Variants in KIN observed in about 807,000 individuals in gnomAD.
The protein encoded by KIN is DNA/RNA-binding protein KIN17.
A neutral mutation model predicts 63.0 loss-of-function variants in KIN; 47 were observed. The observed-to-expected ratio is 0.75, with a 90% confidence interval of 0.59 to 0.95. KIN has a LOEUF of 0.95. Ranked by LOEUF, KIN falls within the 40% of genes least tolerant of loss-of-function variation. KIN has a pLI of 0.00. For synonymous variants in KIN, 160 were observed against 157.7 expected (o/e 1.01, Z -0.11); for missense variants, 408 against 460.9 (o/e 0.89, Z 1.05).
intron 5 of KIN, among the ~76,000 whole-genome samples, chr10:7,777,952 T>C (rs901390307): frequency 1.3e-5 from 2 of 152,098 alleles, no homozygotes; most frequent in African/African-American, 2.4e-5. Flanking sequence ...CTGTATCTTT[T>C]GTTCACTGAG....
At chr10:7,777,768 T>C (rs1835808408) in intron 5 of KIN, among the ~76,000 whole-genome samples, 1 of 152,058 alleles carries the variant, frequency 6.6e-6, no homozygotes, top group Non-Finnish European at 1.5e-5. Flanking sequence ...GCATGGTGGC[T>C]TGTGCCTGTA....
intron 12 of KIN, among the ~76,000 whole-genome samples, chr10:7,757,524 AT>A (rs1428382714): frequency 3.3e-5 from 5 of 151,586 alleles, no homozygotes; most frequent in Admixed American, 2.0e-4. Context: ...ATAAAATAAA[AT>A]TAAATTAAAT....
chr10:7,784,280 C>A (rs551793534), intron 1 of KIN, among the ~76,000 whole-genome samples: 6 of 152,246 alleles, frequency 3.9e-5, no homozygotes, highest in African/African-American at 1.2e-4. Context: ...AAAATTGCAT[C>A]TCAGTTTAAC....
At chr10:7,784,337 C>A (rs1835955715) in intron 1 of KIN, among the ~76,000 whole-genome samples, 1 of 152,196 alleles carries the variant, frequency 6.6e-6, no homozygotes, top group Non-Finnish European at 1.5e-5. Context: ...AATCCCAGCA[C>A]TTTGGGAGGC....
At chr10:7,784,773 T>C (rs1835965355) in intron 1 of KIN, among the ~76,000 whole-genome samples, 1 of 152,188 alleles carries the variant, frequency 6.6e-6, no homozygotes, top group Non-Finnish European at 1.5e-5. Flanking sequence ...AAAAGGTTAA[T>C]GGGAAACTAG....
intron 2 of KIN, among the ~76,000 whole-genome samples, chr10:7,781,587 T>TCTACACACACACACACACATACACACAC (rs71515486): frequency 1.4e-5 from 2 of 140,628 alleles, no homozygotes; most frequent in African/African-American, 5.5e-5. Context: ...ACCCTGTCTC[T>TCTACACACACACACACACATACACACAC]ACACACACAC....
chr10:7,779,126 G>T, intron 4 of KIN, 107 bp from the exon 5 acceptor site: 1 of 1,319,750 alleles, frequency 7.6e-7, no homozygotes, highest in Non-Finnish European at 1.0e-6. Context: ...ACACAAATCA[G>T]GCCGAGCGCA....
chr10:7,776,892 T>C (rs1244325612), intron 5 of KIN, among the ~76,000 whole-genome samples: 9 of 149,772 alleles, frequency 6.0e-5, no homozygotes, highest in Non-Finnish European at 1.3e-4. Context: ...CCCCCATCTC[T>C]ATTAAAAAAA....
chr10:7,778,732 C>T, intron 5 of KIN, 106 bp downstream of exon 5: 1 of 1,216,252 alleles, frequency 8.2e-7, no homozygotes, highest in South Asian at 1.4e-5. Flanking sequence ...GAGCAAGACT[C>T]CATCTCCAAA....
chr10:7,753,445 T>C lies in KIN; in HGVS notation c.*2635A>G, dbSNP rs74121645. 1.4e-3 allele frequency: 216 copies of C among 152,316 alleles called. No individual in the cohort carries two copies. Among genetic ancestry groups the C allele is most frequent in the African/African-American group, 4.8e-3 (199 of 41,578 alleles). 9.4% of individuals were successfully genotyped at this position (152,316 alleles called of 1,614,324 possible). Reference sequence around the variant, plus strand: ...TATCAGGGAGAACCATTCTCCTTTTTGAAATTCTTCAGACCAGATTCTTAG... The same window carrying C: ...TATCAGGGAGAACCATTCTCCTTTTCGAAATTCTTCAGACCAGATTCTTAG... On this transcript the variant is annotated 3_prime_UTR_variant, in exon 13 of 13. Transcript: ENST00000379562.
At chr10:7,779,080 T>C (rs1403571153) in intron 4 of KIN, 61 bp from the exon 5 acceptor site, 3 of 1,552,590 alleles carry the variant, frequency 1.9e-6, no homozygotes, top group Non-Finnish European at 2.6e-6. Context: ...TAAATATGAA[T>C]GTGTTTCACC....
chr10:7,780,473 C>T (rs1409491179), intron 2 of KIN, among the ~76,000 whole-genome samples, 166 bp from the exon 3 acceptor site: 1 of 152,146 alleles, frequency 6.6e-6, no homozygotes, highest in Non-Finnish European at 1.5e-5. Context: ...CAGCTCATTG[C>T]AACCTCCACT....
At chr10:7,757,826 T>C (rs1181076498) in intron 12 of KIN, among the ~76,000 whole-genome samples, 2 of 152,244 alleles carry the variant, frequency 1.3e-5, no homozygotes, top group Non-Finnish European at 2.9e-5. Flanking sequence ...AGCCAGACAT[T>C]TGGGCTTATA....
intron 7 of KIN, among the ~76,000 whole-genome samples, chr10:7,770,959 G>A (rs1335732917): frequency 6.6e-6 from 1 of 152,090 alleles, no homozygotes; most frequent in Admixed American, 6.5e-5. Flanking sequence ...TTTTTATGGG[G>A]GTTGTTTTTC....
rs1835615077 is a variant in KIN, at chr10:7,769,202, T to A, written c.798+14A>T. ...TGGGTTCTAAGGTGTCCACACGCAA[T>A]CCATAAACTGTACCTCCATGATTTC... is the stretch of plus-strand genomic sequence containing the variant. On this transcript the variant is annotated intron_variant, in intron 8 of 12. Transcript: ENST00000379562. 2 of 1,601,130 alleles carry A rather than the reference T, an allele frequency of 1.2e-6. No individual in the cohort carries two copies. Among genetic ancestry groups the A allele is most frequent in the South Asian group, 2.2e-5 (2 of 88,918 alleles).
At chr10:7,779,265 G>A (rs1296594519) in intron 4 of KIN, among the ~76,000 whole-genome samples, 2 of 152,012 alleles carry the variant, frequency 1.3e-5, no homozygotes, top group Non-Finnish European at 2.9e-5. Context: ...AAATTAGCTG[G>A]GCGTGGTGGT....
chr10:7,762,811 T>C (rs1482169232), intron 10 of KIN, among the ~76,000 whole-genome samples: 1 of 152,166 alleles, frequency 6.6e-6, no homozygotes, highest in African/African-American at 2.4e-5. Context: ...AATAAGACTT[T>C]AAGAAATCTA....
intron 11 of KIN, 31 bp from the exon 12 acceptor site, chr10:7,760,021 T>G: frequency 3.9e-6 from 4 of 1,032,020 alleles, no homozygotes; most frequent in Non-Finnish European, 5.8e-6. Flanking sequence ...AAAATTAATG[T>G]GAAGAAATAT....
intron 7 of KIN, among the ~76,000 whole-genome samples, chr10:7,772,865 T>C (rs1369505456): frequency 6.6e-6 from 1 of 152,228 alleles, no homozygotes; most frequent in Non-Finnish European, 1.5e-5. Flanking sequence ...GTCAGGTCCT[T>C]ATCCCTGAAA....
Sources: allele counts gnomAD v4.1 joint callset (sites outside exome capture counted in the v4.1 genomes callset), GRCh38; gene constraint gnomAD v4.1.1; transcripts MANE v1.5; gene names NCBI Gene and HGNC (gene_info 2026-07-23, HGNC 2026-07-21).